Variants in ZNF181 observed in about 807,000 individuals in gnomAD.
ZNF181 encodes the protein zinc finger protein 181 (HHZ181).
A neutral mutation model predicts 11.9 loss-of-function variants in ZNF181; 8 were observed. That is an observed-to-expected ratio of 0.67 (90% confidence interval 0.39 to 1.21). The LOEUF (loss-of-function observed/expected upper bound fraction) is 1.21, where lower values mean the gene tolerates loss of function less well. Among genes scored for constraint, ZNF181 ranks in the 50% most tolerant of loss-of-function variants. ZNF181 has a pLI of 0.01. For missense variants in ZNF181, 542 were observed against 670.9 expected (o/e 0.81, Z 2.12); for synonymous variants, 202 against 221.1 (o/e 0.91, Z 0.77).
chr19:34,738,340 T>C (rs1275418786), intron 1 of ZNF181, among the ~76,000 whole-genome samples: 1 of 152,106 alleles, frequency 6.6e-6, no homozygotes, highest in Admixed American at 6.5e-5. Context: ...CCCAAACTCA[T>C]TTTTTAAATA....
chr19:34,736,690 ACTT>A (rs879303141), intron 1 of ZNF181, among the ~76,000 whole-genome samples: 2,292 of 152,318 alleles, frequency 0.015, 41 homozygotes, highest in South Asian at 0.078. Context: ...TTTAAACTTT[ACTT>A]ATTTTATTTT....
chr19:34,737,663 A>T lies in ZNF181; in HGVS notation c.10-1485A>T, dbSNP rs571694027. Among the ~76,000 whole-genome samples the T allele has an allele frequency of 3.2e-4, 49 of 152,258 alleles. 1 individual carries two copies. In the South Asian group the frequency reaches 8.3e-3, roughly 26 times the overall value. On this transcript the variant is annotated intron_variant, in intron 1 of 3. Transcript: ENST00000492450. ...TCAGGTCTTATTTAAGGACTATCTA[A>T]GGCAGTGGTGCCCAACCTTTTTGGC...
rs576484594 is a variant in ZNF181, at chr19:34,737,394, C to G, written c.10-1754C>G. 1.4e-4 allele frequency among the ~76,000 whole-genome samples: 22 copies of G among 152,252 alleles called. No individual in the cohort carries two copies. The South Asian group carries it at 2.3e-3, about 16-fold the overall frequency. The stretch of plus-strand genomic sequence containing the variant: ...ATTAACTCTCAGAGCTAAAAAATTA[C>G]CACAGGCAAGCAGTCTGTTTCACAA... On this transcript the variant is annotated intron_variant, in intron 1 of 3. Coordinates refer to ENST00000492450, the MANE Select transcript of ZNF181 (RefSeq NM_001029997.4).
At chr19:34,739,410 A>G in intron 2 of ZNF181, 113 bp from the exon 3 acceptor site, 1 of 1,567,816 alleles carries the variant, frequency 6.4e-7, no homozygotes, top group Non-Finnish European at 8.7e-7. Flanking sequence ...CCCTGCCTGA[A>G]GCTTATCTTT....
Position 34,735,006 on chromosome 19 carries a change from G to A in ZNF181, c.-32G>A, listed in dbSNP as rs1445094828. The A allele has an allele frequency of 7.6e-6, 12 of 1,573,772 alleles. No individual in the cohort carries two copies. Among genetic ancestry groups the A allele is most frequent in the Non-Finnish European group, 9.5e-6 (11 of 1,158,898 alleles). ...TCTCTAAGATAAGAGCCTGGAAAGA[G>A]GACTCTGTTGGCTGTTGGAAATTGC... On this transcript the variant is annotated 5_prime_UTR_variant, in exon 1 of 4. Transcript: ENST00000492450.
chr19:34,740,881 A>T lies in ZNF181; in HGVS notation c.500A>T (p.Lys167Met). 1 of 1,614,106 alleles carries T rather than the reference A, an allele frequency of 6.2e-7. No individual in the cohort carries two copies. The highest frequency in any genetic ancestry group is 8.5e-7 in the Non-Finnish European group (1 of 1,179,998). Residue 167 changes from lysine to methionine, a missense_variant, in exon 4 of 4, where the codon AAG becomes ATG. Transcript: ENST00000492450. ...YNIFRSTFHS[K>M]STLSEPQKIS... ...ATATTTAGAAGCACCTTTCATTCAAAGTCTACTCTTTCTGAACCACAAAAA... is the reference window on the plus strand; with the variant it reads ...ATATTTAGAAGCACCTTTCATTCAATGTCTACTCTTTCTGAACCACAAAAA...
rs1376684506 is a variant in ZNF181, at chr19:34,744,679, TAAGG to T, written c.*2586_*2589del. 3 of 152,170 alleles carry T rather than the reference TAAGG, an allele frequency of 2.0e-5. No individual in the cohort carries two copies. Among genetic ancestry groups the T allele is most frequent in the East Asian group, 1.9e-4 (1 of 5,168 alleles). The allele number at this position is 152,170 out of a possible 1,614,324, so 9.4% of individuals were successfully genotyped here. A position where few individuals can be genotyped will look rare whatever the true frequency, so the allele number is the denominator to read the frequency against. On this transcript the variant is annotated 3_prime_UTR_variant, in exon 4 of 4. Coordinates refer to ENST00000492450, the MANE Select transcript of ZNF181 (RefSeq NM_001029997.4). ...TGTCTCCAAAGTAAATAAATACAAT[TAAGG>T]AAGCATGATGTGGTATCAGACAGTT...
chr19:34,742,235 CT>C lies in ZNF181; in HGVS notation c.*141del. The C allele has an allele frequency of 1.3e-6, 1 of 788,724 alleles. No homozygotes were observed. Among genetic ancestry groups the C allele is most frequent in the Non-Finnish European group, 2.0e-6 (1 of 510,924 alleles). 48.9% of individuals were successfully genotyped at this position (788,724 alleles called of 1,614,324 possible). ...GATGCAGGCCAGTTTGTTTATTAGACTTTATACTGTAGAGAAATCATATGAA... is the reference window on the plus strand; with the variant it reads ...GATGCAGGCCAGTTTGTTTATTAGACTTATACTGTAGAGAAATCATATGAA... On this transcript the variant is annotated 3_prime_UTR_variant, in exon 4 of 4. Transcript: ENST00000492450.
chr19:34,736,237 T>A (rs1438126541), intron 1 of ZNF181: 1 of 691,400 alleles, frequency 1.4e-6, no homozygotes, highest in Admixed American at 2.1e-5. Context: ...TTGGGTGAAG[T>A]CTGTTTTCTT....
chr19:34,742,298 C>T lies in ZNF181; in HGVS notation c.*201C>T. 1 of 429,404 alleles carries T rather than the reference C, an allele frequency of 2.3e-6. No individual in the cohort carries two copies. The highest frequency in any genetic ancestry group is 3.9e-5 in the Admixed American group (1 of 25,708). 26.6% of individuals were successfully genotyped at this position (429,404 alleles called of 1,614,324 possible). A position where few individuals can be genotyped will look rare whatever the true frequency, so the allele number is the denominator to read the frequency against. ...TGGGAAAGCCTTTGTCAGTATTAAT[C>T]CCTTAATTGACATAAGTATACTCAC... On this transcript the variant is annotated 3_prime_UTR_variant, in exon 4 of 4. Coordinates refer to ENST00000492450, the MANE Select transcript of ZNF181 (RefSeq NM_001029997.4).
At chr19:34,738,224 G>A (rs1240755587) in intron 1 of ZNF181, among the ~76,000 whole-genome samples, 3 of 152,158 alleles carry the variant, frequency 2.0e-5, no homozygotes, top group African/African-American at 7.2e-5. Flanking sequence ...TCATGGTTTT[G>A]GAGCCTGGGA....
Position 34,741,057 on chromosome 19 carries a change from A to C in ZNF181, c.676A>C (p.Thr226Pro), listed in dbSNP as rs1161693373. The change falls in exon 4 of 4, where the codon ACC (threonine) becomes CCC (proline). Residue 226 changes from threonine to proline, a missense_variant. Thr to Pro is a conservative substitution (Grantham distance 38). Transcript: ENST00000492450. The stretch of plus-strand genomic sequence containing the variant: ...AGCCTTCAGCCAGGGCAAATCTCTT[A>C]CCCTTCCCCAGACTTGTAATAGAGA... ...GAAFSQGKSL[T>P]LPQTCNREKI... The C allele has an allele frequency of 1.9e-6, 3 of 1,614,030 alleles. No homozygotes were observed. The highest frequency in any genetic ancestry group is 2.5e-6 in the Non-Finnish European group (3 of 1,179,978).
intron 2 of ZNF181, 46 bp downstream of exon 2, chr19:34,739,314 T>A (rs2068933884): frequency 6.2e-7 from 1 of 1,607,168 alleles, no homozygotes. Context: ...ACCTTTCTTT[T>A]GCCACCCTGA....
At position 34,741,436 on chromosome 19, in the gene ZNF181, G is replaced by A. The variant is rs748135943; in HGVS notation, c.1055G>A (p.Arg352His). ...IHTQEKLYEC[R>H]ICGKAFIHRS... ...ACTCAAGAAAAACTCTATGAGTGTC[G>A]TATATGTGGAAAGGCCTTCATTCAT... Residue 352 changes from arginine (R) to histidine (H), a missense_variant, in exon 4 of 4, where the codon CGT (arginine) becomes CAT (histidine). Physicochemically the swap from Arg to His is conservative, Grantham distance 29 (BLOSUM62 0). Coordinates refer to ENST00000492450, the MANE Select transcript of ZNF181 (RefSeq NM_001029997.4). 5.5e-5 allele frequency: 89 copies of A among 1,613,686 alleles called. No individual in the cohort carries two copies. The highest frequency in any genetic ancestry group is 6.5e-5 in the Non-Finnish European group (77 of 1,179,882).
chr19:34,741,056 T>C lies in ZNF181; in HGVS notation c.675T>C (p.Leu225=), dbSNP rs374365124. ...CAGCCTTCAGCCAGGGCAAATCTCT[T>C]ACCCTTCCCCAGACTTGTAATAGAG... ...SGAAFSQGKS[L]TLPQTCNREK... Residue 225 remains leucine, a synonymous_variant, in exon 4 of 4, where the codon CTT becomes CTC. Transcript: ENST00000492450. 174 of 1,614,042 alleles carry C rather than the reference T, an allele frequency of 1.1e-4. No homozygotes were observed. Among genetic ancestry groups the C allele is most frequent in the Non-Finnish European group, 8.6e-5 (101 of 1,179,978 alleles).
At chr19:34,735,676 G>A (rs762670859) in intron 1 of ZNF181, among the ~76,000 whole-genome samples, 2 of 152,144 alleles carry the variant, frequency 1.3e-5, no homozygotes, top group African/African-American at 2.4e-5. Flanking sequence ...GGCTCTAACT[G>A]AGTCACTTCT....
rs2068959901 is a variant in ZNF181, at chr19:34,740,887, C to T, written c.506C>T (p.Thr169Ile). ...AGAAGCACCTTTCATTCAAAGTCTA[C>T]TCTTTCTGAACCACAAAAAATTTCT... ...IFRSTFHSKS[T>I]LSEPQKISAE... Residue 169 changes from threonine (T) to isoleucine (I), a missense_variant, in exon 4 of 4, where the codon ACT becomes ATT. Thr to Ile is a moderately conservative substitution (Grantham distance 89). Coordinates refer to ENST00000492450, the MANE Select transcript of ZNF181 (RefSeq NM_001029997.4). 6.2e-7 allele frequency: 1 copy of T among 1,613,922 alleles called. No homozygotes were observed. Among genetic ancestry groups the T allele is most frequent in the Non-Finnish European group, 8.5e-7 (1 of 1,179,994 alleles).
At position 34,741,217 on chromosome 19, in the gene ZNF181, C is replaced by T. The variant is rs2068968222; in HGVS notation, c.836C>T (p.Ser279Phe). ...ECGKTFSHGS[S>F]LTRHLISHSG... is the part of the protein sequence containing the mutation. ...GGGAAGACTTTTAGCCATGGCTCAT[C>T]CCTTACACGACATCTGATAAGCCAT... Residue 279 changes from serine (S) to phenylalanine (F), a missense_variant, in exon 4 of 4, where the codon TCC (serine) becomes TTC (phenylalanine). Transcript: ENST00000492450. The T allele has an allele frequency of 6.2e-7, 1 of 1,613,954 alleles. No homozygotes were observed. The highest frequency in any genetic ancestry group is 2.2e-5 in the East Asian group (1 of 44,866).
Position 34,741,120 on chromosome 19 carries a change from G to A in ZNF181, c.739G>A (p.Gly247Ser), listed in dbSNP as rs1418502192. The A allele has an allele frequency of 2.5e-6, 4 of 1,613,908 alleles. No homozygotes were observed. The highest frequency in any genetic ancestry group is 2.7e-5 in the African/African-American group (2 of 74,888). ...YTCSECGKAF[G>S]KQSILNRHWR... ...ATGCAGTGAATGTGGGAAAGCCTTT[G>A]GCAAACAGTCAATCCTCAATCGCCA... is the stretch of plus-strand genomic sequence containing the variant. Residue 247 changes from glycine (G) to serine (S), a missense_variant, in exon 4 of 4, where the codon GGC becomes AGC. Transcript: ENST00000492450.
Sources: allele counts gnomAD v4.1 joint callset (sites outside exome capture counted in the v4.1 genomes callset), GRCh38; gene constraint gnomAD v4.1.1; transcripts MANE v1.5; gene names NCBI Gene and HGNC (gene_info 2026-07-23, HGNC 2026-07-21).